TTC39C: variants seen among roughly 807,000 people sequenced by gnomAD.
TTC39C encodes the protein tetratricopeptide repeat protein 39C.
A neutral mutation model predicts 76.3 loss-of-function variants in TTC39C; 33 were observed. The ratio of observed to expected loss-of-function variants is 0.43; its 90% CI spans 0.33 to 0.58. The LOEUF (loss-of-function observed/expected upper bound fraction) is 0.58. Ranked by LOEUF, TTC39C falls within the 20% of genes least tolerant of loss-of-function variation. The probability of loss-of-function intolerance (pLI) is 0.04; values close to 1 mark genes in which losing one functional copy is unlikely to be tolerated. For missense variants in TTC39C, 595 were observed against 701.4 expected, an observed-to-expected ratio of 0.85 and a Z score of 1.71; for synonymous variants, 254 against 260.6, an observed-to-expected ratio of 0.97 and a Z score of 0.24.
chr18:24,037,812 A>G (rs2083749167), intron 1 of TTC39C, among the ~76,000 whole-genome samples: 1 of 152,214 alleles, frequency 6.6e-6, no homozygotes, highest in African/African-American at 2.4e-5. Context: ...GGGTTCTTCA[A>G]GGAGATCACA....
At chr18:24,055,415 T>C (rs2084003176) in intron 1 of TTC39C, among the ~76,000 whole-genome samples, 1 of 152,256 alleles carries the variant, frequency 6.6e-6, no homozygotes, top group Non-Finnish European at 1.5e-5. Flanking sequence ...TTATTTTTGA[T>C]AGTAGCTATC....
intron 7 of TTC39C, among the ~76,000 whole-genome samples, chr18:24,116,594 C>T (rs1013080930): frequency 6.6e-6 from 1 of 152,098 alleles, no homozygotes; most frequent in Non-Finnish European, 1.5e-5. Context: ...TATCACATCC[C>T]ATAGAATTTG....
At chr18:24,087,466 T>G (rs2084455859) in intron 6 of TTC39C, among the ~76,000 whole-genome samples, 1 of 152,212 alleles carries the variant, frequency 6.6e-6, no homozygotes, top group South Asian at 2.1e-4. Flanking sequence ...TGTAACTAAT[T>G]TTTAATATTA....
rs557561943 is a variant in TTC39C at position 24,069,175 on chromosome 18, G to A, written c.364G>A (p.Ala122Thr). Residue 122 changes from alanine to threonine, a missense_variant, in exon 4 of 14, where the codon GCC (alanine) becomes ACC (threonine). By Grantham distance (58) the Ala-to-Thr change is moderately conservative. Transcript: ENST00000317571. ...CAAACAGGTTGATGTCCGAAAATCC[G>A]CCCCCTCTATGGTTGATCGGCTTCA... ...IKKNVDVRKS[A>T]PSMVDRLQRQ... The A allele has an allele frequency of 9.2e-5, 149 of 1,613,520 alleles. No homozygotes were observed. The South Asian group carries it at 1.3e-3, about 14-fold the overall frequency.
intron 6 of TTC39C, among the ~76,000 whole-genome samples, chr18:24,096,655 TC>T (rs941362810): frequency 6.6e-6 from 1 of 152,206 alleles, no homozygotes; most frequent in African/African-American, 2.4e-5. Context: ...TATTTTCTCT[TC>T]CTGTCATTGA....
intron 1 of TTC39C, among the ~76,000 whole-genome samples, chr18:24,003,063 G>C (rs957644496): frequency 6.6e-6 from 1 of 152,146 alleles, no homozygotes; most frequent in Non-Finnish European, 1.5e-5. Flanking sequence ...CTCCAGGTAA[G>C]GCACAGAGAG....
intron 1 of TTC39C, among the ~76,000 whole-genome samples, chr18:24,046,701 T>C (rs1459043840): frequency 6.6e-6 from 1 of 151,852 alleles, no homozygotes; most frequent in Non-Finnish European, 1.5e-5. Flanking sequence ...TGCATAGAAA[T>C]TTTTTCTATA....
chr18:23,994,904 T>TAA (rs201343570), intron 1 of TTC39C, among the ~76,000 whole-genome samples: 1 of 151,058 alleles, frequency 6.6e-6, no homozygotes, highest in African/African-American at 2.4e-5. Flanking sequence ...TCCTTTTTTT[T>TAA]AAAAAAAAAT....
At chr18:24,122,960 G>T (rs1024869641) in intron 8 of TTC39C, among the ~76,000 whole-genome samples, 1 of 152,236 alleles carries the variant, frequency 6.6e-6, no homozygotes, top group South Asian at 2.1e-4. Flanking sequence ...CTATGTGCGT[G>T]TGTGAGCATG....
At chr18:24,097,403 G>GA (rs781659906) in intron 6 of TTC39C, among the ~76,000 whole-genome samples, 51 of 152,308 alleles carry the variant, frequency 3.3e-4, no homozygotes, top group African/African-American at 1.1e-3. Flanking sequence ...GTTCCTTGAA[G>GA]AAACACTTCA....
intron 10 of TTC39C, among the ~76,000 whole-genome samples, 169 bp from the exon 11 acceptor site, chr18:24,128,717 G>A (rs1419575782): frequency 6.6e-6 from 1 of 152,176 alleles, no homozygotes; most frequent in Non-Finnish European, 1.5e-5. Flanking sequence ...GCAATTTAAT[G>A]TGAAGTCATT....
rs59161044 is a variant in TTC39C, at chr18:24,131,020, CAAAAAAAAAAAAAAAAAAAAAAA to C, written c.1623+618_1623+640del. 4.6e-3 allele frequency among the ~76,000 whole-genome samples: 67 copies of C among 14,426 alleles called. 1 individual carries two copies. The highest frequency in any genetic ancestry group is 0.012 in the African/African-American group (64 of 5,272). The allele number at this position is 14,426 out of a possible 152,430, so 9.5% of individuals were successfully genotyped here. ...GCAACAAAGTGAAACCTCATCTCTG[CAAAAAAAAAAAAAAAAAAAAAAA>C]AAAAAAAAAAAAAATCAAAAAACAT... On this transcript the variant is annotated intron_variant, in intron 12 of 13. Coordinates refer to ENST00000317571, the MANE Select transcript of TTC39C (RefSeq NM_001135993.2).
intron 1 of TTC39C, among the ~76,000 whole-genome samples, chr18:24,032,518 A>AC (rs1308713786): frequency 2.0e-5 from 3 of 152,222 alleles, no homozygotes; most frequent in Non-Finnish European, 4.4e-5. Context: ...TAGGAATGGG[A>AC]CCGAAGTCTA....
chr18:24,070,741 G>T (rs529445756), intron 4 of TTC39C, among the ~76,000 whole-genome samples: 1 of 152,108 alleles, frequency 6.6e-6, no homozygotes, highest in South Asian at 2.1e-4. Flanking sequence ...TACTTGGGAG[G>T]CTGAGGCAGG....
chr18:24,090,838 G>A (rs2084508279), intron 6 of TTC39C, among the ~76,000 whole-genome samples: 2 of 100,422 alleles, frequency 2.0e-5, no homozygotes, highest in Non-Finnish European at 3.6e-5. Context: ...ACAGAGTCTT[G>A]CTCTGTCACC....
chr18:24,009,511 G>A (rs2083379584), intron 1 of TTC39C, among the ~76,000 whole-genome samples: 1 of 152,194 alleles, frequency 6.6e-6, no homozygotes, highest in African/African-American at 2.4e-5. Flanking sequence ...TAAGGAAGAG[G>A]GAGGGATGGT....
chr18:24,018,741 G>A (rs1259774128), intron 1 of TTC39C, among the ~76,000 whole-genome samples: 1 of 152,162 alleles, frequency 6.6e-6, no homozygotes, highest in African/African-American at 2.4e-5. Flanking sequence ...GAGAGGTGGT[G>A]AGGTTTAAAC....
intron 7 of TTC39C, 114 bp downstream of exon 7, chr18:24,114,761 G>T (rs1489651678): frequency 2.9e-6 from 2 of 694,500 alleles, no homozygotes; most frequent in South Asian, 1.8e-5. Context: ...TCTGTAGTAA[G>T]AAGGACTTCA....
intron 10 of TTC39C, among the ~76,000 whole-genome samples, chr18:24,126,331 CCA>C (rs1352577840): frequency 6.6e-6 from 1 of 151,478 alleles, no homozygotes; most frequent in African/African-American, 2.4e-5. Context: ...AGATTTTTCT[CCA>C]GTTACTCTTC....
Sources: allele counts gnomAD v4.1 joint callset (sites outside exome capture counted in the v4.1 genomes callset), GRCh38; gene constraint gnomAD v4.1.1; transcripts MANE v1.5; gene names NCBI Gene and HGNC (gene_info 2026-07-23, HGNC 2026-07-21).